The following ELL variants were observed in gnomAD, a reference collection of about 807,000 sequenced individuals.
ELL encodes the protein elongation factor for RNA polymerase II.
Under a neutral mutation model 64.0 loss-of-function variants are expected in ELL, and 18 were observed. The observed-to-expected ratio is 0.28, with a 90% confidence interval of 0.19 to 0.42. The LOEUF is 0.42. Ranked by LOEUF, ELL falls within the 10% of genes least tolerant of loss-of-function variation. ELL has a pLI of 1.00. For synonymous variants in ELL, 399 were observed against 376.2 expected (o/e 1.06, Z -0.70); for missense variants, 797 against 870.4 (o/e 0.92, Z 1.06).
chr19:18,490,912 C>T (rs2144953944), intron 1 of ELL, among the ~76,000 whole-genome samples: 1 of 152,276 alleles, frequency 6.6e-6, no homozygotes, highest in East Asian at 1.9e-4. Flanking sequence ...CACACATGCT[C>T]ACCACCGGCA....
Position 18,481,201 on chromosome 19 carries a change from T to C in ELL, c.136-8319A>G, listed in dbSNP as rs190021010. Reference sequence around the variant, plus strand: ...GTTTTTTTGTCCCTATGGTTTTGCCTTTCCAGAAAGTCTTATCAATGGAAT... The same window carrying C: ...GTTTTTTTGTCCCTATGGTTTTGCCCTTCCAGAAAGTCTTATCAATGGAAT... On this transcript the variant is annotated intron_variant, in intron 1 of 11. Coordinates refer to ENST00000262809, the MANE Select transcript of ELL (RefSeq NM_006532.4). Among the ~76,000 whole-genome samples, 29 of 152,282 alleles carry C rather than the reference T, an allele frequency of 1.9e-4. No homozygotes were observed. In the East Asian group the frequency reaches 2.7e-3, roughly 14 times the overall value.
intron 2 of ELL, chr19:18,472,268 A>G (rs1975078752): frequency 6.6e-6 from 1 of 152,302 alleles, no homozygotes; most frequent in African/African-American, 2.4e-5. Context: ...TGGCCAGAAG[A>G]CAATTTTTCT....
chr19:18,519,011 G>C (rs1976194231), intron 1 of ELL, among the ~76,000 whole-genome samples: 2 of 152,028 alleles, frequency 1.3e-5, no homozygotes, highest in African/African-American at 4.8e-5. Flanking sequence ...AAGTTCCACA[G>C]CAAGTTCCTT....
chr19:18,518,212 A>C (rs530611005), intron 1 of ELL, among the ~76,000 whole-genome samples: 4 of 151,760 alleles, frequency 2.6e-5, no homozygotes, highest in South Asian at 4.2e-4. Context: ...ACAACAACAA[A>C]AACTAGGCCA....
At chr19:18,509,650 C>T in intron 1 of ELL, among the ~76,000 whole-genome samples, 1 of 146,928 alleles carries the variant, frequency 6.8e-6, no homozygotes, top group South Asian at 2.1e-4. Flanking sequence ...CACACACACA[C>T]ACACACACTC....
At chr19:18,467,741 CACAA>C (rs570903097) in intron 2 of ELL, among the ~76,000 whole-genome samples, 1 of 140,602 alleles carries the variant, frequency 7.1e-6, no homozygotes, top group African/African-American at 2.7e-5. Flanking sequence ...CCCACACACA[CACAA>C]ACACAACCCC....
chr19:18,518,092 T>C (rs1386710047), intron 1 of ELL, among the ~76,000 whole-genome samples: 1 of 151,948 alleles, frequency 6.6e-6, no homozygotes, highest in African/African-American at 2.4e-5. Flanking sequence ...TGGTGGTGCA[T>C]GCCTGTAATC....
chr19:18,455,559 T>C (rs1974651322), intron 6 of ELL, among the ~76,000 whole-genome samples: 1 of 148,082 alleles, frequency 6.8e-6, no homozygotes, highest in South Asian at 2.2e-4. Context: ...AAACTAGAAA[T>C]AATAGGCCTT....
Position 18,461,734 on chromosome 19 carries a change from C to T in ELL, c.588G>A (p.Val196=), listed in dbSNP as rs779523781. ...TCTGGGACACCCCGCTGCCCCCACT[C>T]ACGGCACTGGCACCACTCTTCCTGA... ...SAIRKSGASA[V]SGGSGVSQRP... Residue 196 remains valine (V), a synonymous_variant, in exon 5 of 12, where the codon GTG becomes GTA. Transcript: ENST00000262809. 5.0e-6 allele frequency: 8 copies of T among 1,613,812 alleles called. No homozygotes were observed. In the Admixed American group the frequency reaches 1.0e-4, roughly 20 times the overall value.
intron 1 of ELL, among the ~76,000 whole-genome samples, chr19:18,500,944 TC>T (rs1157171596): frequency 3.3e-5 from 5 of 151,916 alleles, no homozygotes; most frequent in African/African-American, 1.2e-4. Context: ...TGGCGGCTGC[TC>T]GCCAAATTCA....
chr19:18,511,075 G>C (rs545703196), intron 1 of ELL, among the ~76,000 whole-genome samples: 1 of 152,242 alleles, frequency 6.6e-6, no homozygotes, highest in Admixed American at 6.5e-5. Context: ...AGACCATCCT[G>C]GTTAACATGG....
chr19:18,443,267 C>T lies in ELL; in HGVS notation c.*1485G>A. 1 of 233,136 alleles carries T rather than the reference C, an allele frequency of 4.3e-6. No individual in the cohort carries two copies. The highest frequency in any genetic ancestry group is 8.5e-6 in the Non-Finnish European group (1 of 117,800). The allele number at this position is 233,136 out of a possible 1,614,324, so 14.4% of individuals were successfully genotyped here. A position where few individuals can be genotyped will look rare whatever the true frequency, so the allele number is the denominator to read the frequency against. On this transcript the variant is annotated 3_prime_UTR_variant, in exon 12 of 12. Transcript: ENST00000262809. ...ATGAAGGATCAGTTTCCTCGGAGCT[C>T]TGGGAACCCGGGGGTCCCAAAGGAG...
At chr19:18,469,882 T>C (rs1975027712) in intron 2 of ELL, among the ~76,000 whole-genome samples, 1 of 152,168 alleles carries the variant, frequency 6.6e-6, no homozygotes, top group African/African-American at 2.4e-5. Flanking sequence ...GACAGGAGCT[T>C]GGGCGATGCT....
chr19:18,443,695 A>G lies in ELL; in HGVS notation c.*1057T>C, dbSNP rs1396653614. On this transcript the variant is annotated 3_prime_UTR_variant, in exon 12 of 12. Coordinates refer to ENST00000262809, the MANE Select transcript of ELL (RefSeq NM_006532.4). ...GTGTCTGCAGAGCCTGCACCCCCAG[A>G]GCAGGCAGACCCATCCTCCTGGCTC... is the stretch of plus-strand genomic sequence containing the variant. The G allele has an allele frequency of 4.3e-6, 1 of 233,136 alleles. No individual in the cohort carries two copies. Among genetic ancestry groups the G allele is most frequent in the Non-Finnish European group, 8.5e-6 (1 of 117,952 alleles). 14.4% of individuals were successfully genotyped at this position (233,136 alleles called of 1,614,324 possible).
chr19:18,497,461 T>G (rs1194578330), intron 1 of ELL, among the ~76,000 whole-genome samples: 1 of 152,106 alleles, frequency 6.6e-6, no homozygotes, highest in Non-Finnish European at 1.5e-5. Context: ...ATTATACATT[T>G]GTCTAAACCC....
At chr19:18,508,377 T>G (rs1347124427) in intron 1 of ELL, among the ~76,000 whole-genome samples, 1 of 152,252 alleles carries the variant, frequency 6.6e-6, no homozygotes, top group Non-Finnish European at 1.5e-5. Context: ...GAGGGTAGCC[T>G]GTCCCAGAGT....
At chr19:18,453,817 C>A (rs1568377350) in intron 6 of ELL, among the ~76,000 whole-genome samples, 1 of 152,242 alleles carries the variant, frequency 6.6e-6, no homozygotes, top group Admixed American at 6.5e-5. Context: ...AATCCTCCCA[C>A]CTAAGCCTCC....
rs1243321099 is a variant in ELL at position 18,446,038 on chromosome 19, C to T, written c.1704+271G>A. On this transcript the variant is annotated intron_variant, in intron 10 of 11. Coordinates refer to ENST00000262809, the MANE Select transcript of ELL (RefSeq NM_006532.4). ...CAAACATGTGGGGATCCATGTACCC[C>T]GGCTCGCCCCCATCCAAGGAGGTGG... 3 of 475,192 alleles carry T rather than the reference C, an allele frequency of 6.3e-6. No individual in the cohort carries two copies. The Admixed American group carries it at 1.1e-4, about 18-fold the overall frequency. 29.4% of individuals were successfully genotyped at this position (475,192 alleles called of 1,614,324 possible).
chr19:18,514,742 C>A lies in ELL; in HGVS notation c.135+7179G>T, dbSNP rs150567418. 1.1e-4 allele frequency among the ~76,000 whole-genome samples: 16 copies of A among 152,246 alleles called. No individual in the cohort carries two copies. In the East Asian group the frequency reaches 3.1e-3, roughly 29 times the overall value. On this transcript the variant is annotated intron_variant, in intron 1 of 11. Coordinates refer to ENST00000262809, the MANE Select transcript of ELL (RefSeq NM_006532.4). ...GAATTCATCAAGGCAGAAAGCACAA[C>A]GGGGAGCAAGACCCTAAAACAAAGG...
Sources: gnomAD v4.1 joint callset for allele counts (sites outside exome capture counted in the v4.1 genomes callset) on GRCh38, gnomAD v4.1.1 for gene constraint, MANE v1.5 for transcripts, NCBI Gene and HGNC (gene_info 2026-07-23, HGNC 2026-07-21) for gene names.